PARD3B: variants seen among roughly 807,000 people sequenced by gnomAD.
The protein encoded by PARD3B is par-3 family cell polarity regulator beta, also known as partitioning defective 3 homolog B.
Under a neutral mutation model 130.2 loss-of-function variants are expected in PARD3B, and 103 were observed. The observed-to-expected ratio is 0.79, with a 90% CI of 0.67 to 0.93. The LOEUF (loss-of-function observed/expected upper bound fraction) is 0.93, where lower values mean the gene tolerates loss of function less well. PARD3B is among the 40% of genes least tolerant of loss of function. PARD3B has a pLI of 0.00. For missense variants in PARD3B, 1,609 were observed against 1,499.2 expected, an observed-to-expected ratio of 1.07 and a Z score of -1.21; for synonymous variants, 583 against 553.2, an observed-to-expected ratio of 1.05 and a Z score of -0.76.
chr2:205,567,252 G>A (rs1040062541), intron 22 of PARD3B, among the ~76,000 whole-genome samples: 1 of 150,046 alleles, frequency 6.7e-6, no homozygotes, highest in Admixed American at 6.6e-5. Flanking sequence ...TAATGAATGG[G>A]ACAAAATGTA....
chr2:204,903,275 A>G (rs1256779863), intron 2 of PARD3B, among the ~76,000 whole-genome samples: 1 of 152,218 alleles, frequency 6.6e-6, no homozygotes, highest in Non-Finnish European at 1.5e-5. Flanking sequence ...ATAAAATAGA[A>G]CTTTCTTATG....
At chr2:205,337,904 G>A (rs1574740015) in intron 18 of PARD3B, among the ~76,000 whole-genome samples, 1 of 151,686 alleles carries the variant, frequency 6.6e-6, no homozygotes, top group East Asian at 1.9e-4. Context: ...AAGCCCAGCA[G>A]TTTGGGAGGC....
At chr2:205,518,195 A>G (rs1018540440) in intron 21 of PARD3B, among the ~76,000 whole-genome samples, 2 of 152,030 alleles carry the variant, frequency 1.3e-5, no homozygotes, top group Admixed American at 1.3e-4. Context: ...GTCTCCTACT[A>G]TTATTGTGTG....
At chr2:205,222,225 T>C (rs10191595) in intron 15 of PARD3B, among the ~76,000 whole-genome samples, 35,982 of 151,708 alleles carry the variant, frequency 0.24, 4,816 homozygotes, top group East Asian at 0.38. Flanking sequence ...TAGGTTGGTA[T>C]GAAATTCTAC....
At chr2:205,453,636 A>G (rs2048177309) in intron 20 of PARD3B, among the ~76,000 whole-genome samples, 2 of 152,082 alleles carry the variant, frequency 1.3e-5, no homozygotes, top group South Asian at 2.1e-4. Context: ...TTACTCCAAA[A>G]CTCATGCATG....
At chr2:205,217,650 A>G (rs2037983485) in intron 15 of PARD3B, among the ~76,000 whole-genome samples, 1 of 150,832 alleles carries the variant, frequency 6.6e-6, no homozygotes, top group South Asian at 2.1e-4. Context: ...ACAAATTACT[A>G]TTTTTTCTTA....
At chr2:205,416,522 A>C (rs564481301) in intron 19 of PARD3B, among the ~76,000 whole-genome samples, 1 of 152,180 alleles carries the variant, frequency 6.6e-6, no homozygotes, top group Non-Finnish European at 1.5e-5. Context: ...GGAAGGCACC[A>C]TTCCTCCTCA....
chr2:204,873,737 C>A (rs147752773), intron 2 of PARD3B, among the ~76,000 whole-genome samples: 6 of 152,252 alleles, frequency 3.9e-5, no homozygotes, highest in African/African-American at 1.2e-4. Flanking sequence ...GAAGTTACAC[C>A]TGAGTCCACG....
intron 2 of PARD3B, among the ~76,000 whole-genome samples, chr2:204,861,212 CTCGT>C (rs1490632695): frequency 4.2e-5 from 5 of 120,406 alleles, no homozygotes; most frequent in East Asian, 2.1e-4. Flanking sequence ...CTCTCTCTCT[CTCGT>C]ACCTCTTATT....
At chr2:205,316,406 A>C (rs921560294) in intron 18 of PARD3B, among the ~76,000 whole-genome samples, 2 of 152,158 alleles carry the variant, frequency 1.3e-5, no homozygotes, top group African/African-American at 4.8e-5. Flanking sequence ...GTTTCTGAAC[A>C]GGTTGTAGAA....
intron 2 of PARD3B, among the ~76,000 whole-genome samples, chr2:204,816,508 T>G (rs2043152026): frequency 6.6e-6 from 1 of 151,942 alleles, no homozygotes; most frequent in South Asian, 2.1e-4. Context: ...AACTTTTGGG[T>G]TGGATATAGA....
rs191712568 is a variant in PARD3B at position 205,244,395 on chromosome 2, A to G, written c.2141-1383A>G. Among the ~76,000 whole-genome samples the G allele has an allele frequency of 2.3e-4, 35 of 152,344 alleles. No individual in the cohort carries two copies. The East Asian group carries it at 6.6e-3, about 29-fold the overall frequency. ...TGGTAATAAACAGCTTTTGTTGAAT[A>G]TTAAAGTGATGATCTATGCAGAGAT... On this transcript the variant is annotated intron_variant, in intron 15 of 22. Transcript: ENST00000406610. This position sits in a 1 kb window ranked among gnomAD's most constrained non-coding sequence, Gnocchi z 4.7.
intron 15 of PARD3B, among the ~76,000 whole-genome samples, chr2:205,216,649 C>T (rs1400305074): frequency 6.6e-6 from 1 of 152,070 alleles, no homozygotes; most frequent in Non-Finnish European, 1.5e-5. Flanking sequence ...TACTTCGTAT[C>T]ATTGAGGACT....
At chr2:205,065,244 C>T (rs982285805) in intron 4 of PARD3B, among the ~76,000 whole-genome samples, 2 of 152,084 alleles carry the variant, frequency 1.3e-5, no homozygotes, top group Admixed American at 6.6e-5. Flanking sequence ...GAGAAGATTA[C>T]AATATATCTG....
At chr2:205,081,101 C>G (rs984308178) in intron 4 of PARD3B, among the ~76,000 whole-genome samples, 2 of 151,972 alleles carry the variant, frequency 1.3e-5, no homozygotes, top group Non-Finnish European at 2.9e-5. Context: ...ATTTGGTAAC[C>G]TGGGTGAATA....
intron 1 of PARD3B, among the ~76,000 whole-genome samples, chr2:204,643,844 A>G (rs2035180011): frequency 5.3e-5 from 8 of 152,204 alleles, no homozygotes. Flanking sequence ...TGCTTTGCAT[A>G]AAATTCAGGC....
intron 2 of PARD3B, among the ~76,000 whole-genome samples, chr2:204,841,039 A>G (rs1224876217): frequency 4.5e-4 from 69 of 152,130 alleles, no homozygotes; most frequent in Admixed American, 4.5e-3. Context: ...TTTTTCCCAA[A>G]TAGTGGTCAT....
At chr2:205,120,905 G>A (rs1356118992) in intron 7 of PARD3B, among the ~76,000 whole-genome samples, 1 of 152,208 alleles carries the variant, frequency 6.6e-6, no homozygotes, top group Non-Finnish European at 1.5e-5. Flanking sequence ...GCATCTAGAG[G>A]CATGAGGAAG....
intron 16 of PARD3B, among the ~76,000 whole-genome samples, chr2:205,266,152 A>G (rs1224878954): frequency 6.6e-6 from 1 of 152,104 alleles, no homozygotes; most frequent in East Asian, 1.9e-4. Context: ...TATTGATTTA[A>G]TGTCTCCCAG....
Sources: gnomAD v4.1 joint callset for allele counts (sites outside exome capture counted in the v4.1 genomes callset) on GRCh38, gnomAD v4.1.1 for gene constraint, Gnocchi (gnomAD v3.1) non-coding constraint, MANE v1.5 for transcripts, NCBI Gene and HGNC (gene_info 2026-07-23, HGNC 2026-07-21) for gene names.